Variants in DGKB observed in about 807,000 individuals in gnomAD.
DGKB encodes 90 kDa diacylglycerol kinase.
DGKB carries 67 observed loss-of-function variants against 114.3 expected under a neutral mutation model. The ratio of observed to expected loss-of-function variants is 0.59; its 90% CI spans 0.48 to 0.72. The LOEUF (loss-of-function observed/expected upper bound fraction) is 0.72. Among genes scored for constraint, DGKB ranks in the 30% least tolerant of loss-of-function variants. The pLI is 0.00. For missense variants in DGKB, 907 were observed against 975.2 expected, an observed-to-expected ratio of 0.93 and a Z score of 0.93; for synonymous variants, 398 against 323.1, an observed-to-expected ratio of 1.23 and a Z score of -2.49.
chr7:14,667,380 T>C lies in DGKB; in HGVS notation c.1134+5549A>G, dbSNP rs148047074. ...TTTATAGAGGTCATTCAATAACCAA[T>C]TCCTAACTACAGAGTCAACGACTAA... On this transcript the variant is annotated intron_variant, in intron 13 of 25. Transcript: ENST00000402815. 3.5e-4 allele frequency among the ~76,000 whole-genome samples: 54 copies of C among 152,134 alleles called. No individual in the cohort carries two copies. The East Asian group carries it at 8.5e-3, about 24-fold the overall frequency.
Position 14,147,073 on chromosome 7 carries a change from A to C in DGKB, c.*2058T>G, listed in dbSNP as rs1394645998. On this transcript the variant is annotated 3_prime_UTR_variant, in exon 26 of 26. Coordinates refer to ENST00000402815, the MANE Select transcript of DGKB (RefSeq NM_001350709.2). The stretch of plus-strand genomic sequence containing the variant: ...CAAAGCCTGCCTGCCCATTGTAGAA[A>C]ATTTTGTCAATTCATGTGAAAATAT... The C allele has an allele frequency of 6.6e-6, 1 of 152,138 alleles. No individual in the cohort carries two copies. Among genetic ancestry groups the C allele is most frequent in the Non-Finnish European group, 1.5e-5 (1 of 68,004 alleles). The allele number at this position is 152,138 out of a possible 1,614,324, so 9.4% of individuals were successfully genotyped here.
chr7:14,558,372 A>G (rs1291270700), intron 20 of DGKB, among the ~76,000 whole-genome samples: 2 of 152,038 alleles, frequency 1.3e-5, no homozygotes, highest in Non-Finnish European at 1.5e-5. Context: ...TTAGAATTGT[A>G]TATTTCCTGT....
intron 21 of DGKB, among the ~76,000 whole-genome samples, chr7:14,377,536 T>C (rs189771629): frequency 8.4e-4 from 128 of 152,320 alleles, no homozygotes; most frequent in African/African-American, 1.9e-3. Context: ...TAAATAATCA[T>C]TCTTATCTTC....
chr7:14,546,196 C>T (rs1055117339), intron 20 of DGKB, among the ~76,000 whole-genome samples: 1 of 152,048 alleles, frequency 6.6e-6, no homozygotes, highest in African/African-American at 2.4e-5. Flanking sequence ...AATATGGAAC[C>T]CAACCAATCC....
intron 23 of DGKB, among the ~76,000 whole-genome samples, chr7:14,235,703 C>T (rs776361291): frequency 6.6e-5 from 10 of 152,174 alleles, no homozygotes; most frequent in Non-Finnish European, 1.0e-4. Context: ...GGCAACTTTT[C>T]CCAATACCCT....
At chr7:14,713,533 T>G (rs1364322096) in intron 6 of DGKB, among the ~76,000 whole-genome samples, 1 of 151,798 alleles carries the variant, frequency 6.6e-6, no homozygotes, top group Non-Finnish European at 1.5e-5. Context: ...AAAAGACAGC[T>G]TTTCAAAATA....
intron 1 of DGKB, among the ~76,000 whole-genome samples, chr7:14,867,414 G>A (rs889014410): frequency 2.1e-5 from 3 of 143,146 alleles, no homozygotes; most frequent in Admixed American, 1.3e-4. Context: ...TAAGGTCTAT[G>A]TCTAGATGTC....
chr7:14,729,127 T>C (rs113752375), intron 5 of DGKB, among the ~76,000 whole-genome samples: 67 of 127,854 alleles, frequency 5.2e-4, no homozygotes, highest in Middle Eastern at 3.6e-3. Flanking sequence ...TTCTTTCTTT[T>C]TTTTTTTTTT....
intron 1 of DGKB, among the ~76,000 whole-genome samples, chr7:14,860,679 T>G (rs1850846445): frequency 6.6e-6 from 1 of 151,924 alleles, no homozygotes. Context: ...TAGTTAGTTA[T>G]TGATTTTGGA....
intron 21 of DGKB, among the ~76,000 whole-genome samples, chr7:14,424,484 C>G (rs1314979941): frequency 6.6e-6 from 1 of 151,932 alleles, no homozygotes; most frequent in Non-Finnish European, 1.5e-5. Flanking sequence ...TTAGGTCTAT[C>G]ACTCTCTGGA....
At chr7:14,643,726 C>A (rs905917033) in intron 13 of DGKB, among the ~76,000 whole-genome samples, 3 of 152,116 alleles carry the variant, frequency 2.0e-5, no homozygotes, top group African/African-American at 7.2e-5. Flanking sequence ...CAACAGTGAC[C>A]TCTCCCCCTC....
chr7:14,804,951 C>T (rs900319002), intron 2 of DGKB, among the ~76,000 whole-genome samples: 7 of 151,828 alleles, frequency 4.6e-5, no homozygotes, highest in Non-Finnish European at 7.4e-5. Flanking sequence ...AATGTTTAGT[C>T]ATTATATAAT....
intron 23 of DGKB, among the ~76,000 whole-genome samples, chr7:14,300,051 A>C (rs969908238): frequency 3.9e-5 from 6 of 152,102 alleles, no homozygotes; most frequent in Admixed American, 3.9e-4. Flanking sequence ...ACGGAAGAAT[A>C]TGTTATCATA....
chr7:14,602,810 A>G (rs921411416), intron 17 of DGKB, among the ~76,000 whole-genome samples: 2 of 152,204 alleles, frequency 1.3e-5, no homozygotes, highest in African/African-American at 4.8e-5. Flanking sequence ...AAGTTAAAGC[A>G]CACACACAAA....
rs1380193001 is a variant in DGKB at position 14,390,138 on chromosome 7, T to C, written c.1836-44747A>G. Among the ~76,000 whole-genome samples the C allele has an allele frequency of 3.3e-5, 5 of 152,200 alleles. No homozygotes were observed. In the South Asian group the frequency reaches 6.2e-4, roughly 19 times the overall value. The stretch of plus-strand genomic sequence containing the variant: ...GAAATGCTACTTGCCCATTTCTGAG[T>C]ATACTATGATACATACATAAGGGTA... On this transcript the variant is annotated intron_variant, in intron 21 of 25. Transcript: ENST00000402815.
At chr7:14,338,464 T>C in intron 23 of DGKB, 51 bp downstream of exon 23, 1 of 1,233,170 alleles carries the variant, frequency 8.1e-7, no homozygotes. Flanking sequence ...TAAAGAAGCC[T>C]TTGAAAACAG....
At chr7:14,718,413 C>T (rs1256611797) in intron 6 of DGKB, 129 bp downstream of exon 6, 3 of 693,810 alleles carry the variant, frequency 4.3e-6, no homozygotes, top group Non-Finnish European at 6.5e-6. Flanking sequence ...GAAATTTTTA[C>T]TATTAAGCAG....
intron 1 of DGKB, among the ~76,000 whole-genome samples, chr7:14,901,024 T>C (rs1336137835): frequency 6.6e-6 from 1 of 152,206 alleles, no homozygotes; most frequent in African/African-American, 2.4e-5. Flanking sequence ...TATGCACTAT[T>C]GTAGCAAATA....
chr7:14,905,244 G>GTTTTTTTTTTTTTTTTTTTTT (rs55752603), upstream of DGKB, among the ~76,000 whole-genome samples: 1 of 139,338 alleles, frequency 7.2e-6, no homozygotes, highest in Non-Finnish European at 1.5e-5. Flanking sequence ...CATCTTGTTA[G>GTTTTTTTTTTTTTTTTTTTTT]TTTTTTTTTT....
Sources: allele counts gnomAD v4.1 joint callset (sites outside exome capture counted in the v4.1 genomes callset), GRCh38; gene constraint gnomAD v4.1.1; transcripts MANE v1.5; gene names NCBI Gene and HGNC (gene_info 2026-07-23, HGNC 2026-07-21).